ZNF350: variants seen among roughly 807,000 people sequenced by gnomAD.
ZNF350 encodes zinc finger protein 350, also known as KRAB zinc finger protein ZFQR.
In ZNF350, 5 loss-of-function variants were observed where a neutral mutation model predicts 13.1. The observed-to-expected ratio is 0.38, with a 90% CI of 0.20 to 0.80. The LOEUF (loss-of-function observed/expected upper bound fraction) is 0.80. ZNF350 is among the 30% of genes least tolerant of loss of function. The probability of loss-of-function intolerance (pLI) is 0.43; values close to 1 mark genes in which losing one functional copy is unlikely to be tolerated. For missense variants in ZNF350, 534 were observed against 644.2 expected, an observed-to-expected ratio of 0.83 and a Z score of 1.85; for synonymous variants, 199 against 224.2, an observed-to-expected ratio of 0.89 and a Z score of 1.00.
intron 1 of ZNF350, among the ~76,000 whole-genome samples, chr19:51,978,754 C>A (rs2085959695): frequency 6.6e-6 from 1 of 152,160 alleles, no homozygotes; most frequent in Non-Finnish European, 1.5e-5. Context: ...AGGAGGCCAA[C>A]TACCACCTCA....
rs560242455 is a variant in ZNF350 at position 51,969,903 on chromosome 19, G to GA, written c.16-773_16-772insT. Among the ~76,000 whole-genome samples, 17 of 152,156 alleles carry GA rather than the reference G, an allele frequency of 1.1e-4. No individual in the cohort carries two copies. The East Asian group carries it at 3.1e-3, about 28-fold the overall frequency. On this transcript the variant is annotated intron_variant, in intron 2 of 4. Transcript: ENST00000243644. ...TGCACATCCTCCCATATACATTTCT[G>GA]TTTTTTTGAAATGGAGACTCACTCT...
chr19:51,965,460 C>G lies in ZNF350; in HGVS notation c.993G>C (p.Thr331=). ...GAAATCTCTGATGTGCTATGAGACACGTCTTCTGAATGAAGCCTTTTCCAC... is the reference window on the plus strand; with the variant it reads ...GAAATCTCTGATGTGCTATGAGACAGGTCTTCTGAATGAAGCCTTTTCCAC... The part of the protein sequence containing the change: ...NECGKGFIQK[T]CLIAHQRFHT... The change falls in exon 5 of 5, where the codon ACG becomes ACC. Residue 331 remains threonine (T), a synonymous_variant. Transcript: ENST00000243644. The G allele has an allele frequency of 6.2e-7, 1 of 1,614,044 alleles. No homozygotes were observed. The highest frequency in any genetic ancestry group is 8.5e-7 in the Non-Finnish European group (1 of 1,180,000).
At chr19:51,979,146 C>G (rs570772915) in intron 1 of ZNF350, among the ~76,000 whole-genome samples, 148 of 152,242 alleles carry the variant, frequency 9.7e-4, no homozygotes, top group Middle Eastern at 3.4e-3. Flanking sequence ...GACATCAACC[C>G]CCATAACCTG....
intron 4 of ZNF350, 95 bp from the exon 5 acceptor site, chr19:51,966,309 A>AGTT: frequency 7.7e-7 from 1 of 1,298,006 alleles, no homozygotes; most frequent in South Asian, 1.6e-5. Flanking sequence ...TTTAAGATGG[A>AGTT]GTTTTACTCC....
In ZNF350 at chr19:51,974,374, T is replaced by C. The variant is rs376546747; in HGVS notation, c.-14A>G. ...GGCCTGGATCATTTTCTTCTGTTCT[T>C]GGAAGACAGCATTCAACTGGGATGG... is the stretch of plus-strand genomic sequence containing the variant. On this transcript the variant is annotated 5_prime_UTR_variant, in exon 2 of 5. Coordinates refer to ENST00000243644, the MANE Select transcript of ZNF350 (RefSeq NM_021632.4). The C allele has an allele frequency of 6.2e-7, 1 of 1,613,738 alleles. No homozygotes were observed. Among genetic ancestry groups the C allele is most frequent in the African/African-American group, 1.3e-5 (1 of 74,934 alleles).
At chr19:51,967,237 A>T (rs1029472441) in intron 4 of ZNF350, 1 of 152,120 alleles carries the variant, frequency 6.6e-6, no homozygotes. Flanking sequence ...TCCAAAGAAC[A>T]GATTCATTCA....
chr19:51,968,569 T>C lies in ZNF350; in HGVS notation c.238+9A>G. 6.2e-7 allele frequency: 1 copy of C among 1,613,156 alleles called. No homozygotes were observed. The highest frequency in any genetic ancestry group is 8.5e-7 in the Non-Finnish European group (1 of 1,179,154). On this transcript the variant is annotated intron_variant, in intron 4 of 4. Coordinates refer to ENST00000243644, the MANE Select transcript of ZNF350 (RefSeq NM_021632.4). ...CTTCCATAGCCTTCTGTCTTGTGGGTTCTCTCACCTGAACAGGCTCCACTG... is the reference window on the plus strand; with the variant it reads ...CTTCCATAGCCTTCTGTCTTGTGGGCTCTCTCACCTGAACAGGCTCCACTG...
At chr19:51,980,735 T>C (rs746769529) in intron 1 of ZNF350, among the ~76,000 whole-genome samples, 2 of 152,204 alleles carry the variant, frequency 1.3e-5, no homozygotes, top group Admixed American at 1.3e-4. Context: ...ACCTTTGATA[T>C]TGGTGAATTA....
intron 4 of ZNF350, 81 bp from the exon 5 acceptor site, chr19:51,966,295 T>G: frequency 6.9e-7 from 1 of 1,439,884 alleles, no homozygotes; most frequent in South Asian, 1.5e-5. Context: ...TTTTTGTTTT[T>G]TTTTTTAAGA....
chr19:51,986,742 A>G (rs993538323), intron 1 of ZNF350, 28 bp downstream of exon 1: 2 of 152,290 alleles, frequency 1.3e-5, no homozygotes, highest in African/African-American at 4.8e-5. Flanking sequence ...AGGACAAAAA[A>G]CTTTCAGGGA....
At position 51,986,789 on chromosome 19, in the gene ZNF350, A is replaced by C. The variant is rs2086166623; in HGVS notation, c.-191T>G. 1 of 152,170 alleles carries C rather than the reference A, an allele frequency of 6.6e-6. No homozygotes were observed. The allele number at this position is 152,170 out of a possible 1,614,324, so 9.4% of individuals were successfully genotyped here. On this transcript the variant is annotated 5_prime_UTR_variant, in exon 1 of 5. Transcript: ENST00000243644. ...ACTGACCTCTATTTTCTCCAGATAC[A>C]CAAGAAGGGCCTCAACGTTACACTT...
rs1024398908 is a variant in ZNF350 at position 51,976,105 on chromosome 19, T to C, written c.-171-1574A>G. Among the ~76,000 whole-genome samples the C allele has an allele frequency of 2.7e-5, 4 of 147,710 alleles. No homozygotes were observed. The highest frequency in any genetic ancestry group is 1.0e-4 in the African/African-American group (4 of 40,096). On this transcript the variant is annotated intron_variant, in intron 1 of 4. Coordinates refer to ENST00000243644, the MANE Select transcript of ZNF350 (RefSeq NM_021632.4). The surrounding 1 kb of genome is among the most constrained non-coding windows in gnomAD (Gnocchi z 4.5). ...CTACTCTGGACCCCTGGCGCCGTTA[T>C]CTACTGCGACATCTAGAGAATGCAG...
At chr19:51,975,424 C>T (rs2085858845) in intron 1 of ZNF350, among the ~76,000 whole-genome samples, 1 of 94,912 alleles carries the variant, frequency 1.1e-5, no homozygotes, top group African/African-American at 4.4e-5. Context: ...AGCGAAACCT[C>T]GTCTTAAAAA....
intron 2 of ZNF350, among the ~76,000 whole-genome samples, chr19:51,971,881 C>A (rs993070387): frequency 2.6e-5 from 4 of 152,276 alleles, no homozygotes; most frequent in East Asian, 3.9e-4. Flanking sequence ...GTGCTCTACA[C>A]CCTCTCCTTG....
At chr19:51,979,461 A>C (rs1049582695) in intron 1 of ZNF350, among the ~76,000 whole-genome samples, 1 of 152,090 alleles carries the variant, frequency 6.6e-6, no homozygotes, top group South Asian at 2.1e-4. Flanking sequence ...ATACCACTCC[A>C]CTGGAAGGAC....
Position 51,967,637 on chromosome 19 carries a change from G to A in ZNF350, c.238+941C>T, listed in dbSNP as rs182342258. Reference sequence around the variant, plus strand: ...ATCAGAATACGATGGGGAAAAAAACGAAAGCAAATTATTAAATACAGAAAG... The same window carrying A: ...ATCAGAATACGATGGGGAAAAAAACAAAAGCAAATTATTAAATACAGAAAG... On this transcript the variant is annotated intron_variant, in intron 4 of 4. Coordinates refer to ENST00000243644, the MANE Select transcript of ZNF350 (RefSeq NM_021632.4). 3.6e-3 allele frequency among the ~76,000 whole-genome samples: 544 copies of A among 152,184 alleles called. 3 individuals are homozygous for A. Among genetic ancestry groups the A allele is most frequent in the African/African-American group, 0.012 (505 of 41,538 alleles).
intron 1 of ZNF350, among the ~76,000 whole-genome samples, chr19:51,975,540 A>G (rs1211481709): frequency 6.6e-6 from 1 of 152,172 alleles, no homozygotes; most frequent in East Asian, 1.9e-4. Flanking sequence ...AAGAGAATCA[A>G]AAACAGAGCA....
chr19:51,982,729 A>T (rs188156279), intron 1 of ZNF350, among the ~76,000 whole-genome samples: 4 of 152,348 alleles, frequency 2.6e-5, no homozygotes, highest in Admixed American at 6.5e-5. Flanking sequence ...CATATCAGTT[A>T]TGAGGACTTA....
intron 1 of ZNF350, among the ~76,000 whole-genome samples, chr19:51,978,867 C>A (rs2085962620): frequency 6.6e-6 from 1 of 152,122 alleles, no homozygotes; most frequent in South Asian, 2.1e-4. Flanking sequence ...AGGAAAAAAG[C>A]AAAGTTTATC....
Sources: allele counts gnomAD v4.1 joint callset (sites outside exome capture counted in the v4.1 genomes callset), GRCh38; gene constraint gnomAD v4.1.1; non-coding constraint Gnocchi (gnomAD v3.1); transcripts MANE v1.5; gene names NCBI Gene and HGNC (gene_info 2026-07-23, HGNC 2026-07-21).